The following ATP8A2 variants were observed in gnomAD, a reference collection of about 807,000 sequenced individuals.
The protein encoded by ATP8A2 is phospholipid-transporting ATPase IB.
A neutral mutation model predicts 165.6 loss-of-function variants in ATP8A2; 100 were observed. The ratio of observed to expected loss-of-function variants is 0.60; its 90% CI spans 0.51 to 0.71. The LOEUF (loss-of-function observed/expected upper bound fraction) is 0.71, where lower values mean the gene tolerates loss of function less well. Among genes scored for constraint, ATP8A2 ranks in the 30% least tolerant of loss-of-function variants. The pLI is 0.00. For synonymous variants in ATP8A2, 543 were observed against 548.8 expected (o/e 0.99, Z 0.15); for missense variants, 1,227 against 1,479.5 (o/e 0.83, Z 2.80).
chr13:25,537,327 T>C (rs2038318314), intron 6 of ATP8A2, among the ~76,000 whole-genome samples: 1 of 152,222 alleles, frequency 6.6e-6, no homozygotes, highest in Non-Finnish European at 1.5e-5. Flanking sequence ...GCATTGGCCT[T>C]CCGTGCAGCT....
intron 16 of ATP8A2, among the ~76,000 whole-genome samples, chr13:25,565,475 A>G (rs1003005015): frequency 1.3e-5 from 2 of 152,206 alleles, no homozygotes; most frequent in East Asian, 1.9e-4. Flanking sequence ...TTCCTTGATC[A>G]TCAGTGATGT....
intron 27 of ATP8A2, among the ~76,000 whole-genome samples, chr13:25,808,321 A>G (rs1950786923): frequency 1.3e-5 from 2 of 152,006 alleles, no homozygotes; most frequent in Admixed American, 1.3e-4. Context: ...TGTAGAGGCC[A>G]GGCATGGTGG....
At chr13:25,950,978 A>C (rs935821140) in intron 33 of ATP8A2, among the ~76,000 whole-genome samples, 1 of 152,196 alleles carries the variant, frequency 6.6e-6, no homozygotes, top group Non-Finnish European at 1.5e-5. Context: ...GTGGAAACAG[A>C]CACCATACCA....
chr13:25,414,331 C>G (rs564713347), intron 1 of ATP8A2, among the ~76,000 whole-genome samples: 1 of 151,978 alleles, frequency 6.6e-6, no homozygotes, highest in African/African-American at 2.4e-5. Flanking sequence ...GCTGGGATTA[C>G]AAGCATGTGC....
At chr13:25,579,402 T>A (rs2039706282) in intron 21 of ATP8A2, among the ~76,000 whole-genome samples, 1 of 152,152 alleles carries the variant, frequency 6.6e-6, no homozygotes, top group African/African-American at 2.4e-5. Context: ...GAGCACATGC[T>A]CACACACACG....
At chr13:25,521,774 A>G (rs2037680759) in intron 2 of ATP8A2, among the ~76,000 whole-genome samples, 1 of 152,106 alleles carries the variant, frequency 6.6e-6, no homozygotes, top group South Asian at 2.1e-4. Context: ...CCAGGCTTCA[A>G]GTGGTGCTCC....
At chr13:25,890,979 G>A (rs1953342525) in intron 33 of ATP8A2, among the ~76,000 whole-genome samples, 1 of 152,184 alleles carries the variant, frequency 6.6e-6, no homozygotes. Flanking sequence ...TGATAAAAGG[G>A]TACTCATGTT....
At position 25,638,513 on chromosome 13, in the gene ATP8A2, G is replaced by A. The variant is rs9578896; in HGVS notation, c.2211+48814G>A. On this transcript the variant is annotated intron_variant, in intron 24 of 36. Coordinates refer to ENST00000381655, the MANE Select transcript of ATP8A2 (RefSeq NM_016529.6). ...ACTGGAAGAAAGGGTATCAGTGATT[G>A]AAGATCAAATGAATGAAATGAAGCG... Among the ~76,000 whole-genome samples the A allele has an allele frequency of 5.9e-3, 896 of 152,286 alleles. 10 individuals are homozygous for A. The highest frequency in any genetic ancestry group is 0.02 in the African/African-American group (836 of 41,558).
intron 33 of ATP8A2, among the ~76,000 whole-genome samples, chr13:25,921,949 A>G (rs541715589): frequency 1.3e-5 from 2 of 152,302 alleles, no homozygotes; most frequent in African/African-American, 2.4e-5. Flanking sequence ...TTGTAAAACC[A>G]TTGTTAGATT....
At chr13:25,698,924 A>G (rs893199257) in intron 24 of ATP8A2, among the ~76,000 whole-genome samples, 1 of 152,172 alleles carries the variant, frequency 6.6e-6, no homozygotes, top group Non-Finnish European at 1.5e-5. Flanking sequence ...AATAATGTGT[A>G]TGTAGTGTAA....
At chr13:25,420,653 A>G (rs561423849) in intron 1 of ATP8A2, among the ~76,000 whole-genome samples, 190 of 152,334 alleles carry the variant, frequency 1.2e-3, no homozygotes, top group African/African-American at 4.4e-3. Flanking sequence ...ATCATGGTAC[A>G]TGTTTACCTA....
At chr13:25,857,570 CTTTTTTTTTTTTT>C (rs71080207) in intron 30 of ATP8A2, among the ~76,000 whole-genome samples, 1 of 91,582 alleles carries the variant, frequency 1.1e-5, no homozygotes, top group South Asian at 3.8e-4. Flanking sequence ...CTTTTTTTTC[CTTTTTTTTTTTTT>C]TTTTTTTTGA....
At chr13:25,625,389 C>T (rs2041075452) in intron 24 of ATP8A2, among the ~76,000 whole-genome samples, 1 of 152,198 alleles carries the variant, frequency 6.6e-6, no homozygotes, top group African/African-American at 2.4e-5. Flanking sequence ...AGCTTCCACA[C>T]AACGTGAAGT....
At position 25,469,144 on chromosome 13, in the gene ATP8A2, C is replaced by G. The variant is rs200671371; in HGVS notation, c.221+23C>G. The stretch of plus-strand genomic sequence containing the variant: ...CAGGTAGGAGAAGGCGGCCGGCTCG[C>G]GCGGAAGGCGGTGGAGTCACAGCTG... On this transcript the variant is annotated intron_variant, in intron 2 of 36. Coordinates refer to ENST00000381655, the MANE Select transcript of ATP8A2 (RefSeq NM_016529.6). 1.3e-4 allele frequency: 203 copies of G among 1,611,666 alleles called. 1 individual carries two copies. The African/African-American group carries it at 2.6e-3, about 20-fold the overall frequency.
At chr13:25,413,274 C>CTTTTTTTTTTT (rs2034026042) in intron 1 of ATP8A2, among the ~76,000 whole-genome samples, 2 of 124,074 alleles carry the variant, frequency 1.6e-5, no homozygotes, top group African/African-American at 3.1e-5. Context: ...TTTTCTTTTT[C>CTTTTTTTTTTT]TTTGTTTTTT....
At chr13:25,860,914 G>C (rs1365555834) in intron 32 of ATP8A2, 54 bp downstream of exon 32, 1 of 1,257,204 alleles carries the variant, frequency 8.0e-7, no homozygotes, top group Non-Finnish European at 1.1e-6. Context: ...TTTCATGCTA[G>C]GATTTCTTTT....
At chr13:25,426,363 A>G (rs1162839695) in intron 1 of ATP8A2, among the ~76,000 whole-genome samples, 3 of 152,166 alleles carry the variant, frequency 2.0e-5, no homozygotes, top group African/African-American at 7.2e-5. Flanking sequence ...AACTAGTTTC[A>G]CATGAACTCA....
At chr13:25,633,034 A>G (rs2041281891) in intron 24 of ATP8A2, among the ~76,000 whole-genome samples, 2 of 152,194 alleles carry the variant, frequency 1.3e-5, no homozygotes, top group South Asian at 2.1e-4. Flanking sequence ...CATGTTTAGT[A>G]TCTAAGAATG....
chr13:25,925,084 A>G (rs1954561671), intron 33 of ATP8A2, among the ~76,000 whole-genome samples: 1 of 152,308 alleles, frequency 6.6e-6, no homozygotes, highest in East Asian at 1.9e-4. Flanking sequence ...TAAAATTCTC[A>G]GTAATAACTA....
Sources: allele counts gnomAD v4.1 joint callset (sites outside exome capture counted in the v4.1 genomes callset), GRCh38; gene constraint gnomAD v4.1.1; transcripts MANE v1.5; gene names NCBI Gene and HGNC (gene_info 2026-07-23, HGNC 2026-07-21).